The following TADA3 variants were observed in gnomAD, a reference collection of about 807,000 sequenced individuals.
TADA3 encodes the protein transcriptional adapter 3.
TADA3 carries 25 observed loss-of-function variants against 43.2 expected under a neutral mutation model. That is an observed-to-expected ratio of 0.58 (90% CI 0.42 to 0.81). The LOEUF (loss-of-function observed/expected upper bound fraction) is 0.81, where lower values mean the gene tolerates loss of function less well. TADA3 is among the 30% of genes least tolerant of loss of function. TADA3 has a pLI of 0.00. For missense variants in TADA3, 441 were observed against 567.8 expected (o/e 0.78, Z 2.27); for synonymous variants, 235 against 225.5 (o/e 1.04, Z -0.38).
intron 1 of TADA3, 65 bp from the exon 2 acceptor site, chr3:9,791,558 C>G: frequency 1.0e-6 from 1 of 978,048 alleles, no homozygotes; most frequent in Non-Finnish European, 1.5e-6. Context: ...GGCTTCTTAC[C>G]TCCAGGGACA....
intron 2 of TADA3, among the ~76,000 whole-genome samples, chr3:9,790,213 T>C (rs2078700299): frequency 6.6e-6 from 1 of 152,192 alleles, no homozygotes; most frequent in African/African-American, 2.4e-5. Context: ...CACTTCTGTA[T>C]CACCCATGCC....
chr3:9,785,767 C>T (rs987626958), intron 6 of TADA3, among the ~76,000 whole-genome samples: 1 of 152,216 alleles, frequency 6.6e-6, no homozygotes, highest in African/African-American at 2.4e-5. Context: ...CCATACTCTT[C>T]TTTCCTCCAC....
chr3:9,788,956 C>A (rs893402060), intron 4 of TADA3, among the ~76,000 whole-genome samples: 1 of 152,050 alleles, frequency 6.6e-6, no homozygotes, highest in African/African-American at 2.4e-5. Flanking sequence ...CTGACTCAGC[C>A]TCCCGAGTAG....
At chr3:9,785,242 TC>T in intron 7 of TADA3, 73 bp downstream of exon 7, 1 of 1,228,786 alleles carries the variant, frequency 8.1e-7, no homozygotes, top group African/African-American at 1.5e-5. Context: ...GATGAGGACT[TC>T]CCCAGGTTGA....
intron 2 of TADA3, 63 bp from the exon 3 acceptor site, chr3:9,790,026 T>C (rs2078698008): frequency 1.3e-6 from 2 of 1,509,872 alleles, no homozygotes; most frequent in African/African-American, 1.4e-5. Flanking sequence ...CTCTTTCCTC[T>C]AGTGAATAAA....
intron 6 of TADA3, 131 bp downstream of exon 6, chr3:9,786,875 A>C (rs2078626658): frequency 1.3e-6 from 1 of 764,068 alleles, no homozygotes; most frequent in African/African-American, 1.7e-5. Flanking sequence ...ATATTAGTCC[A>C]GGTTTTTACT....
chr3:9,788,837 T>C (rs1482095127), intron 4 of TADA3, among the ~76,000 whole-genome samples: 4 of 150,178 alleles, frequency 2.7e-5, no homozygotes, highest in African/African-American at 9.8e-5. Context: ...GACTTTTATA[T>C]CTTTTTTTTT....
intron 6 of TADA3, 93 bp downstream of exon 6, chr3:9,786,913 C>T: frequency 1.6e-6 from 2 of 1,221,908 alleles, no homozygotes; most frequent in South Asian, 2.7e-5. Context: ...TTGCACCAAC[C>T]TAATAAATGT....
At position 9,787,068 on chromosome 3, in the gene TADA3, G is replaced by C. The variant is rs2078631054; in HGVS notation, c.748C>G (p.Gln250Glu). 1.2e-6 allele frequency: 2 copies of C among 1,614,246 alleles called. No individual in the cohort carries two copies. The highest frequency in any genetic ancestry group is 1.7e-6 in the Non-Finnish European group (2 of 1,180,054). The change falls in exon 6 of 9, where the codon CAG becomes GAG. Residue 250 changes from glutamine to glutamate, a missense_variant. Gln to Glu is a conservative substitution (Grantham distance 29). Coordinates refer to ENST00000301964, the MANE Select transcript of TADA3 (RefSeq NM_006354.5). ...LLKKSEAQHEQPEDGCPFGAL... is the reference protein window; with the variant it reads ...LLKKSEAQHEEPEDGCPFGAL... ...CCAAAGGGGCATCCATCTTCCGGCT[G>C]TTCATGCTGGGCCTCAGACTTCTTC...
chr3:9,792,979 A>G (rs558794986), upstream of TADA3: 22 of 1,430,406 alleles, frequency 1.5e-5, no homozygotes, highest in East Asian at 6.1e-4. Flanking sequence ...AGCGTTCGTA[A>G]GGGCTCTCTA....
intron 1 of TADA3, among the ~76,000 whole-genome samples, chr3:9,791,750 CTG>C (rs1559722309): frequency 6.6e-6 from 1 of 152,192 alleles, no homozygotes; most frequent in Admixed American, 6.5e-5. Context: ...GAGAAAGAAA[CTG>C]AGACTCTGTA....
intron 6 of TADA3, among the ~76,000 whole-genome samples, chr3:9,786,185 C>G (rs1395386051): frequency 1.3e-5 from 2 of 152,058 alleles, no homozygotes; most frequent in Non-Finnish European, 2.9e-5. Flanking sequence ...GTGATCCGCC[C>G]GCCTCAGCCT....
At position 9,787,188 on chromosome 3, in the gene TADA3, G is replaced by A. The variant is rs759286060; in HGVS notation, c.706+11C>T. 7 of 1,614,204 alleles carry A rather than the reference G, an allele frequency of 4.3e-6. No homozygotes were observed. The East Asian group carries it at 6.7e-5, about 15-fold the overall frequency. On this transcript the variant is annotated intron_variant, in intron 5 of 8. Coordinates refer to ENST00000301964, the MANE Select transcript of TADA3 (RefSeq NM_006354.5). ...CCTGACCTGGGGTTGGCAGGGAGGT[G>A]AGAGGCCTACCTTTAGTGTCCAGTT... is the stretch of plus-strand genomic sequence containing the variant.
rs1479168257 is a variant in TADA3 at position 9,787,263 on chromosome 3, C to A, written c.642G>T (p.Arg214=). The change falls in exon 5 of 9, where the codon CGG becomes CGT. Residue 214 remains arginine, a synonymous_variant. Transcript: ENST00000301964. ...DLLEEQKDGA[R]AAAVADKKKG... ...TCTTCTTGTCAGCCACAGCCGCTGCCCGGGCCCCATCCTTCTGCTCCTCCA... is the reference window on the plus strand; with the variant it reads ...TCTTCTTGTCAGCCACAGCCGCTGCACGGGCCCCATCCTTCTGCTCCTCCA... 1 of 1,614,224 alleles carries A rather than the reference C, an allele frequency of 6.2e-7. No individual in the cohort carries two copies. Among genetic ancestry groups the A allele is most frequent in the Admixed American group, 1.7e-5 (1 of 60,022 alleles).
chr3:9,782,769 CAA>C (rs2078508064), intron 8 of TADA3, among the ~76,000 whole-genome samples: 1 of 126,708 alleles, frequency 7.9e-6, no homozygotes, highest in Non-Finnish European at 1.6e-5. Context: ...CCAGCCTGGG[CAA>C]CAGAGTGAGA....
rs866151303 is a variant in TADA3 at position 9,791,608 on chromosome 3, T to C, written c.-27-115A>G. 9.5e-5 allele frequency: 59 copies of C among 619,804 alleles called. 1 individual carries two copies. The highest frequency in any genetic ancestry group is 7.5e-4 in the South Asian group (36 of 48,046). The allele number at this position is 619,804 out of a possible 1,614,324, so 38.4% of individuals were successfully genotyped here. On this transcript the variant is annotated intron_variant, in intron 1 of 8. Transcript: ENST00000301964. ...CAGCTTCAGTCCCTTACTGACAAAA[T>C]TGATGGCACAGTTCCTACTCACAGG...
In TADA3 at chr3:9,780,474, G is replaced by A; in HGVS notation, c.1182C>T (p.Ala394=). The A allele has an allele frequency of 6.2e-7, 1 of 1,611,440 alleles. No individual in the cohort carries two copies. The highest frequency in any genetic ancestry group is 8.5e-7 in the Non-Finnish European group (1 of 1,179,992). ...VRMADNEVMD[A]FRKIMAARQK... is the part of the protein sequence containing the mutation. The stretch of plus-strand genomic sequence containing the variant: ...GCCGGGCAGCCATGATCTTGCGAAA[G>A]GCGTCCATGACCTCGTTGTCAGCCA... Residue 394 remains alanine, a synonymous_variant, in exon 9 of 9, where the codon GCC becomes GCT. Coordinates refer to ENST00000301964, the MANE Select transcript of TADA3 (RefSeq NM_006354.5).
chr3:9,784,396 G>A lies in TADA3; in HGVS notation c.921-183C>T, dbSNP rs17050568. On this transcript the variant is annotated intron_variant, in intron 7 of 8. Coordinates refer to ENST00000301964, the MANE Select transcript of TADA3 (RefSeq NM_006354.5). ...TGGTCTGGTTTTTAAAACAAGCAACGTATGTATCTACTATTCAAAAAATAT... is the reference window on the plus strand; with the variant it reads ...TGGTCTGGTTTTTAAAACAAGCAACATATGTATCTACTATTCAAAAAATAT... Among the ~76,000 whole-genome samples the A allele has an allele frequency of 4.1e-3, 629 of 152,122 alleles. 4 individuals carry two copies. The highest frequency in any genetic ancestry group is 0.014 in the African/African-American group (572 of 41,478).
intron 6 of TADA3, among the ~76,000 whole-genome samples, chr3:9,786,445 C>G (rs1000723900): frequency 6.6e-6 from 1 of 152,154 alleles, no homozygotes; most frequent in Non-Finnish European, 1.5e-5. Flanking sequence ...AAAACTGAGT[C>G]TCAATGAGGT....
Sources: allele counts gnomAD v4.1 joint callset (sites outside exome capture counted in the v4.1 genomes callset), GRCh38; gene constraint gnomAD v4.1.1; transcripts MANE v1.5; gene names NCBI Gene and HGNC (gene_info 2026-07-23, HGNC 2026-07-21).